The following PGGT1B variants were observed in gnomAD, a reference collection of about 807,000 sequenced individuals.
The protein encoded by PGGT1B is geranylgeranyl transferase type-1 subunit beta.
A neutral mutation model predicts 46.1 loss-of-function variants in PGGT1B; 30 were observed. That is an observed-to-expected ratio of 0.65 (90% CI 0.49 to 0.88). The LOEUF (loss-of-function observed/expected upper bound fraction) is 0.88. Ranked by LOEUF, PGGT1B falls within the 40% of genes least tolerant of loss-of-function variation. The pLI is 0.00. For synonymous variants in PGGT1B, 170 were observed against 160.0 expected (o/e 1.06, Z -0.47); for missense variants, 376 against 455.9 (o/e 0.82, Z 1.60).
At chr5:115,246,296 C>T (rs1747828741) in intron 2 of PGGT1B, among the ~76,000 whole-genome samples, 2 of 150,432 alleles carry the variant, frequency 1.3e-5, no homozygotes, top group South Asian at 4.2e-4. Context: ...GTGGAGGTTG[C>T]AGTGAGCCAA....
At chr5:115,260,560 A>C (rs1287723480) in intron 1 of PGGT1B, among the ~76,000 whole-genome samples, 2 of 152,222 alleles carry the variant, frequency 1.3e-5, no homozygotes, top group East Asian at 3.8e-4. Flanking sequence ...CACATGCACC[A>C]CAAAAGAACT....
At chr5:115,220,665 G>T (rs1173088686) in intron 7 of PGGT1B, among the ~76,000 whole-genome samples, 1 of 151,884 alleles carries the variant, frequency 6.6e-6, no homozygotes, top group East Asian at 1.9e-4. Flanking sequence ...GATATTACAT[G>T]CCTCTTGATG....
At chr5:115,221,386 T>TA (rs1580748151) in intron 7 of PGGT1B, among the ~76,000 whole-genome samples, 1 of 151,932 alleles carries the variant, frequency 6.6e-6, no homozygotes, top group East Asian at 1.9e-4. Flanking sequence ...AAATAAATAA[T>TA]AAAAAAGTCC....
chr5:115,251,887 T>C (rs986296164), intron 2 of PGGT1B, among the ~76,000 whole-genome samples: 5 of 151,896 alleles, frequency 3.3e-5, no homozygotes, highest in African/African-American at 1.2e-4. Context: ...AGTCTAATAA[T>C]CAACTGTTTA....
At chr5:115,229,215 T>C (rs1171868730) in intron 6 of PGGT1B, among the ~76,000 whole-genome samples, 1 of 152,156 alleles carries the variant, frequency 6.6e-6, no homozygotes, top group African/African-American at 2.4e-5. Context: ...ACTGTAATAC[T>C]GAGGAAGATG....
intron 6 of PGGT1B, among the ~76,000 whole-genome samples, chr5:115,223,340 C>T (rs548151400): frequency 6.6e-6 from 1 of 152,112 alleles, no homozygotes; most frequent in South Asian, 2.1e-4. Context: ...TTAAGTTAAA[C>T]GATCTTGAAA....
intron 1 of PGGT1B, among the ~76,000 whole-genome samples, chr5:115,261,705 G>T (rs1381499667): frequency 6.6e-6 from 1 of 152,164 alleles, no homozygotes; most frequent in African/African-American, 2.4e-5. Context: ...CAATACATAC[G>T]TAATGTGAGG....
intron 1 of PGGT1B, 143 bp downstream of exon 1, chr5:115,262,569 C>G: frequency 1.1e-6 from 1 of 914,534 alleles, no homozygotes; most frequent in South Asian, 1.7e-5. Flanking sequence ...TGGGGGTAAC[C>G]TCAAGCCCAC....
intron 6 of PGGT1B, among the ~76,000 whole-genome samples, chr5:115,226,320 T>C (rs1178872822): frequency 3.9e-5 from 6 of 152,068 alleles, no homozygotes; most frequent in South Asian, 2.1e-4. Flanking sequence ...GGAAGCTTAA[T>C]TGGTAAGTAT....
intron 1 of PGGT1B, among the ~76,000 whole-genome samples, chr5:115,257,530 C>CAAAAAA (rs1169870044): frequency 2.9e-4 from 21 of 71,926 alleles, no homozygotes; most frequent in South Asian, 1.3e-3. Context: ...AACTCCATCT[C>CAAAAAA]AAAAAAAAAA....
chr5:115,246,353 T>A (rs1307763287), intron 2 of PGGT1B, among the ~76,000 whole-genome samples: 4 of 149,828 alleles, frequency 2.7e-5, no homozygotes, highest in Non-Finnish European at 3.0e-5. Flanking sequence ...GATACTCCAT[T>A]TCAAAAAAAA....
intron 2 of PGGT1B, among the ~76,000 whole-genome samples, chr5:115,251,254 C>T (rs946678368): frequency 6.6e-6 from 1 of 152,036 alleles, no homozygotes; most frequent in African/African-American, 2.4e-5. Flanking sequence ...TTTGTGAACC[C>T]TTGTTATTTT....
intron 2 of PGGT1B, among the ~76,000 whole-genome samples, chr5:115,244,149 C>G (rs1406389864): frequency 6.6e-6 from 1 of 152,072 alleles, no homozygotes. Context: ...GAACAGAAAT[C>G]CTGGGGCAAC....
chr5:115,218,544 G>C (rs1756494452), intron 7 of PGGT1B, among the ~76,000 whole-genome samples: 1 of 148,186 alleles, frequency 6.7e-6, no homozygotes, highest in Admixed American at 6.7e-5. Flanking sequence ...TATTGGAAAG[G>C]CTGAGGGGAT....
intron 1 of PGGT1B, among the ~76,000 whole-genome samples, chr5:115,258,654 T>G (rs191913808): frequency 3.3e-5 from 5 of 152,224 alleles, no homozygotes; most frequent in African/African-American, 1.2e-4. Flanking sequence ...AACAAAACAC[T>G]GGAACACATT....
chr5:115,254,301 G>T (rs967516392), intron 1 of PGGT1B, among the ~76,000 whole-genome samples: 5 of 151,254 alleles, frequency 3.3e-5, no homozygotes, highest in African/African-American at 4.9e-5. Context: ...ATTTTTTTTT[G>T]ATTTTAGAAT....
At chr5:115,246,738 G>A (rs1747863352) in intron 2 of PGGT1B, among the ~76,000 whole-genome samples, 1 of 152,070 alleles carries the variant, frequency 6.6e-6, no homozygotes. Flanking sequence ...CTGGAAAATT[G>A]TATTTAAAAA....
chr5:115,226,222 C>T (rs1756778416), intron 6 of PGGT1B, among the ~76,000 whole-genome samples: 1 of 152,084 alleles, frequency 6.6e-6, no homozygotes. Flanking sequence ...ATCTGAAATG[C>T]TCCCAAATCC....
At position 115,253,170 on chromosome 5, in the gene PGGT1B, T is replaced by C. The variant is rs1748176802; in HGVS notation, c.226A>G (p.Ile76Val). ...GTGGGAAGGACCTGCAGGGAATAAA[T>C]CCACTCTATTATATCATCTTTGTTC... ...VVNKDDIIEW[I>V]YSLQVLPTED... Residue 76 changes from isoleucine (I) to valine (V), a missense_variant, in exon 2 of 9, where the codon ATT becomes GTT. Physicochemically the swap from Ile to Val is conservative, Grantham distance 29. Around this residue, in one of 2 missense-constraint regions of PGGT1B, gnomAD observed 154 missense variants for 142.3 expected, o/e 1.08. Coordinates refer to ENST00000419445, the MANE Select transcript of PGGT1B (RefSeq NM_005023.4). 2 of 1,606,728 alleles carry C rather than the reference T, an allele frequency of 1.2e-6. No homozygotes were observed. Among genetic ancestry groups the C allele is most frequent in the East Asian group, 4.5e-5 (2 of 44,586 alleles).
Sources: allele counts gnomAD v4.1 joint callset (sites outside exome capture counted in the v4.1 genomes callset), GRCh38; gene constraint gnomAD v4.1.1; regional missense constraint gnomAD v4.1.1; transcripts MANE v1.5; gene names NCBI Gene and HGNC (gene_info 2026-07-23, HGNC 2026-07-21).